The following CEP126 variants were observed in gnomAD, a reference collection of about 807,000 sequenced individuals.
The protein encoded by CEP126 is centrosomal protein 126.
A neutral mutation model predicts 107.8 loss-of-function variants in CEP126; 74 were observed. The ratio of observed to expected loss-of-function variants is 0.69; its 90% CI spans 0.57 to 0.83. The LOEUF (loss-of-function observed/expected upper bound fraction) is 0.83. Among genes scored for constraint, CEP126 ranks in the 40% least tolerant of loss-of-function variants. CEP126 has a pLI of 0.00. For synonymous variants in CEP126, 449 were observed against 446.0 expected, an observed-to-expected ratio of 1.01 and a Z score of -0.08; for missense variants, 1,237 against 1,281.9, an observed-to-expected ratio of 0.96 and a Z score of 0.53.
At chr11:101,950,901 A>G (rs1940803263) in intron 4 of CEP126, among the ~76,000 whole-genome samples, 1 of 152,216 alleles carries the variant, frequency 6.6e-6, no homozygotes, top group Non-Finnish European at 1.5e-5. Context: ...GCAGGGAGTG[A>G]TAGCATCCTC....
intron 5 of CEP126, among the ~76,000 whole-genome samples, chr11:101,959,162 TC>T (rs1167142977): frequency 2.0e-5 from 3 of 152,112 alleles, no homozygotes; most frequent in African/African-American, 7.2e-5. Context: ...CCTTTTTTTT[TC>T]TTTCTTTTTT....
intron 6 of CEP126, among the ~76,000 whole-genome samples, chr11:101,976,995 G>A (rs771044669): frequency 4.6e-5 from 7 of 151,874 alleles, no homozygotes; most frequent in Non-Finnish European, 7.4e-5. Context: ...CACATACATG[G>A]CATACACATG....
intron 6 of CEP126, 46 bp from the exon 7 acceptor site, chr11:101,978,301 T>C (rs772848144): frequency 3.9e-5 from 50 of 1,267,390 alleles, no homozygotes; most frequent in Non-Finnish European, 5.6e-5. Flanking sequence ...ATATATTGGC[T>C]ACTCAACTAG....
At chr11:101,969,646 G>GA (rs1205804386) in intron 6 of CEP126, among the ~76,000 whole-genome samples, 2 of 152,144 alleles carry the variant, frequency 1.3e-5, no homozygotes, top group African/African-American at 4.8e-5. Context: ...TATTTATATG[G>GA]AAATGCAAAG....
intron 3 of CEP126, 21 bp from the exon 4 acceptor site, chr11:101,948,010 C>A (rs757618819): frequency 2.9e-6 from 4 of 1,395,494 alleles, no homozygotes; most frequent in South Asian, 2.4e-5. Context: ...CTGTACTGTT[C>A]GGTCTTTATT....
chr11:101,952,857 A>C (rs765108907), intron 4 of CEP126, among the ~76,000 whole-genome samples: 5 of 152,224 alleles, frequency 3.3e-5, no homozygotes, highest in Non-Finnish European at 4.4e-5. Context: ...TCTTAGATTC[A>C]GCTAAACAAT....
intron 3 of CEP126, among the ~76,000 whole-genome samples, chr11:101,945,444 A>G (rs1250508584): frequency 2.0e-5 from 3 of 152,226 alleles, no homozygotes; most frequent in Non-Finnish European, 2.9e-5. Flanking sequence ...TTTCATCTTT[A>G]TGCAAAATAC....
At chr11:101,990,815 G>C (rs938951299) in intron 9 of CEP126, among the ~76,000 whole-genome samples, 7 of 151,888 alleles carry the variant, frequency 4.6e-5, no homozygotes, top group Non-Finnish European at 8.8e-5. Flanking sequence ...TCAGGGGGTG[G>C]GGGGACTCTC....
At chr11:101,997,287 C>T (rs1015908474) in intron 10 of CEP126, among the ~76,000 whole-genome samples, 4 of 152,190 alleles carry the variant, frequency 2.6e-5, no homozygotes, top group African/African-American at 7.2e-5. Context: ...CCGCCTGCCT[C>T]GGCCTCCCAA....
intron 2 of CEP126, among the ~76,000 whole-genome samples, chr11:101,943,877 A>G (rs1940700441): frequency 6.6e-6 from 1 of 152,122 alleles, no homozygotes; most frequent in African/African-American, 2.4e-5. Context: ...TACAGATTTT[A>G]TTGAATACCT....
intron 4 of CEP126, chr11:101,956,155 A>G (rs1164015902): frequency 2.2e-6 from 1 of 456,488 alleles, no homozygotes; most frequent in African/African-American, 2.0e-5. Flanking sequence ...ACCCTGAGTC[A>G]CAGCACAAGT....
At position 101,948,140 on chromosome 11, in the gene CEP126, G is replaced by A; in HGVS notation, c.504G>A (p.Trp168Ter). Residue 168 changes from tryptophan (W) to a stop codon, truncating the protein, a stop_gained and splice_region_variant, in exon 4 of 11, where the codon TGG (tryptophan) becomes TGA (stop). Coordinates refer to ENST00000263468, the MANE Select transcript of CEP126 (RefSeq NM_020802.4). LOFTEE classifies it high-confidence loss of function. ...LPFSRRPTINWRAIDSALPSA... is the reference protein window; with the variant it reads ...LPFSRRPTIN Reference sequence around the variant, plus strand: ...TTTCCCGTAGACCAACAATAAACTGGAGGTAAGTAATTTATGATCATTGTA... The same window carrying A: ...TTTCCCGTAGACCAACAATAAACTGAAGGTAAGTAATTTATGATCATTGTA... The A allele has an allele frequency of 6.5e-7, 1 of 1,544,962 alleles. No homozygotes were observed. Among genetic ancestry groups the A allele is most frequent in the Non-Finnish European group, 8.9e-7 (1 of 1,119,494 alleles).
In CEP126 at chr11:101,944,313, T is replaced by C. The variant is rs770059674; in HGVS notation, c.297T>C (p.Ile99=). Residue 99 remains isoleucine, a synonymous_variant, in exon 3 of 11, where the codon ATT becomes ATC. Coordinates refer to ENST00000263468, the MANE Select transcript of CEP126 (RefSeq NM_020802.4). ...AACAGGAAGAAAAAGAACACCAAAT[T>C]AGAGAACAAATACTTCAACAAAGAA... ...RKEQEEKEHQ[I]REQILQQRKQ... The C allele has an allele frequency of 6.2e-7, 1 of 1,610,162 alleles. No homozygotes were observed. Among genetic ancestry groups the C allele is most frequent in the African/African-American group, 1.3e-5 (1 of 74,662 alleles).
intron 1 of CEP126, among the ~76,000 whole-genome samples, chr11:101,922,315 C>A (rs1039976200): frequency 6.6e-6 from 1 of 152,060 alleles, no homozygotes; most frequent in Non-Finnish European, 1.5e-5. Flanking sequence ...CAGGCATGCA[C>A]CACCACGTCC....
chr11:101,944,206 G>A, intron 2 of CEP126, 59 bp from the exon 3 acceptor site: 1 of 1,408,382 alleles, frequency 7.1e-7, no homozygotes, highest in Non-Finnish European at 9.5e-7. Context: ...GCGTCATTTT[G>A]AAACTATTTT....
In CEP126 at chr11:101,972,280, GC is replaced by G. The variant is rs557620313; in HGVS notation, c.2846-6065del. ...TCTCTATTAAAAATACAAAAAATTA[GC>G]CGGGCGTGGTAGAGGGCGCCTGTAG... On this transcript the variant is annotated intron_variant, in intron 6 of 10. Transcript: ENST00000263468. Among the ~76,000 whole-genome samples the G allele has an allele frequency of 6.2e-3, 938 of 151,574 alleles. 2 individuals carry two copies. Among genetic ancestry groups the G allele is most frequent in the Non-Finnish European group, 9.8e-3 (667 of 67,896 alleles).
At chr11:101,935,694 A>G (rs148551105) in intron 2 of CEP126, among the ~76,000 whole-genome samples, 33 of 152,230 alleles carry the variant, frequency 2.2e-4, no homozygotes, top group African/African-American at 7.5e-4. Context: ...TACTAATACT[A>G]CATTGACTTG....
chr11:101,955,799 C>G (rs1163164561), intron 4 of CEP126: 1 of 447,324 alleles, frequency 2.2e-6, no homozygotes, highest in Non-Finnish European at 4.5e-6. Context: ...CAGATCCATT[C>G]CTGCCTGTCC....
At chr11:101,971,556 TTTTG>T (rs202083323) in intron 6 of CEP126, among the ~76,000 whole-genome samples, 3,233 of 151,706 alleles carry the variant, frequency 0.021, 35 homozygotes, top group African/African-American at 0.029. Context: ...GTTGCGTTGT[TTTTG>T]TTTGTTTGTT....
Sources: gnomAD v4.1 joint callset for allele counts (sites outside exome capture counted in the v4.1 genomes callset) on GRCh38, gnomAD v4.1.1 for gene constraint, MANE v1.5 for transcripts, NCBI Gene and HGNC (gene_info 2026-07-23, HGNC 2026-07-21) for gene names.